SPTA1: variants seen among roughly 807,000 people sequenced by gnomAD.
SPTA1 encodes spectrin alpha chain, erythrocytic 1.
A neutral mutation model predicts 324.7 loss-of-function variants in SPTA1; 177 were observed. That is an observed-to-expected ratio of 0.55 (90% CI 0.48 to 0.62). SPTA1 has a LOEUF of 0.62. SPTA1 is among the 20% of genes least tolerant of loss of function. The pLI, the probability that SPTA1 is intolerant of heterozygous loss-of-function variation, is 0.00. For missense variants in SPTA1, 3,162 were observed against 2,883.6 expected (o/e 1.10, Z -2.21); for synonymous variants, 1,195 against 1,041.3 (o/e 1.15, Z -2.84).
At position 158,669,350 on chromosome 1, in the gene SPTA1, T is replaced by A. The variant is rs1470655459; in HGVS notation, c.1833+58A>T. On this transcript the variant is annotated intron_variant, in intron 14 of 51. Coordinates refer to ENST00000643759, the MANE Select transcript of SPTA1 (RefSeq NM_003126.4). ...TAAAGTTCATTTTACTCCAAGACTG[T>A]ACTTCCAATGAAAGGAACTCCTGAT... 20 of 1,609,002 alleles carry A rather than the reference T, an allele frequency of 1.2e-5. No homozygotes were observed. The East Asian group carries it at 3.6e-4, about 29-fold the overall frequency.
chr1:158,646,809 A>G (rs1652027734), intron 27 of SPTA1, among the ~76,000 whole-genome samples: 1 of 152,134 alleles, frequency 6.6e-6, no homozygotes, highest in South Asian at 2.1e-4. Context: ...GAGAGCTACA[A>G]CTTCCTGGAC....
chr1:158,614,451 T>C (rs1345630794), intron 48 of SPTA1, 145 bp from the exon 49 acceptor site: 3 of 647,160 alleles, frequency 4.6e-6, no homozygotes, highest in Non-Finnish European at 8.1e-6. Flanking sequence ...CTATAGTCCA[T>C]GGGCCAAATC....
chr1:158,650,579 G>A (rs1571451650), intron 24 of SPTA1, among the ~76,000 whole-genome samples: 1 of 152,104 alleles, frequency 6.6e-6, no homozygotes, highest in Non-Finnish European at 1.5e-5. Context: ...TCTTCAGCAC[G>A]TTGATCAGAA....
At chr1:158,627,113 C>A in intron 40 of SPTA1, 106 bp from the exon 41 acceptor site, 1 of 1,422,724 alleles carries the variant, frequency 7.0e-7, no homozygotes, top group African/African-American at 1.4e-5. Flanking sequence ...AAATATATAA[C>A]CAAGTGTGAC....
In SPTA1 at chr1:158,639,856, C is replaced by T. The variant is rs768672485; in HGVS notation, c.4875+14G>A. On this transcript the variant is annotated intron_variant, in intron 34 of 51. Coordinates refer to ENST00000643759, the MANE Select transcript of SPTA1 (RefSeq NM_003126.4). ...TTAAACTCTTGTGTCTCTACTGTTT[C>T]CGGGTGCAATTACCTCTGAGAGCCA... is the stretch of plus-strand genomic sequence containing the variant. 1 of 1,613,600 alleles carries T rather than the reference C, an allele frequency of 6.2e-7. No homozygotes were observed. The highest frequency in any genetic ancestry group is 2.2e-5 in the East Asian group (1 of 44,880).
At chr1:158,681,502 G>A in intron 4 of SPTA1, 25 bp downstream of exon 4, 1 of 1,613,460 alleles carries the variant, frequency 6.2e-7, no homozygotes, top group Non-Finnish European at 8.5e-7. Flanking sequence ...GAGGCCCTGT[G>A]TGATTGCTGT....
chr1:158,635,527 T>C (rs1651002510), intron 38 of SPTA1, among the ~76,000 whole-genome samples: 1 of 152,210 alleles, frequency 6.6e-6, no homozygotes, highest in African/African-American at 2.4e-5. Context: ...TGGTTCAAAT[T>C]GGCTATATGG....
At chr1:158,650,295 C>T (rs1652326771) in intron 24 of SPTA1, among the ~76,000 whole-genome samples, 1 of 152,170 alleles carries the variant, frequency 6.6e-6, no homozygotes, top group South Asian at 2.1e-4. Context: ...ACAAACAATT[C>T]TGTATTCTGA....
In SPTA1 at chr1:158,667,887, T is replaced by G; in HGVS notation, c.2009A>C (p.Glu670Ala). 6.2e-7 allele frequency: 1 copy of G among 1,614,032 alleles called. No individual in the cohort carries two copies. The highest frequency in any genetic ancestry group is 8.5e-7 in the Non-Finnish European group (1 of 1,179,982). ...CTGTTTTGTAGCCTCCAGCAACTCC[T>G]CCCAGAGGCTGGCAACTTCACTCAG... ...TRLSEVASLW[E>A]ELLEATKQKG... The change falls in exon 15 of 52, where the codon GAG becomes GCG. Residue 670 changes from glutamate to alanine, a missense_variant. By Grantham distance (107) the Glu-to-Ala change is moderately radical. Coordinates refer to ENST00000643759, the MANE Select transcript of SPTA1 (RefSeq NM_003126.4).
chr1:158,676,040 TTC>T, intron 8 of SPTA1, 99 bp downstream of exon 8: 1 of 1,519,732 alleles, frequency 6.6e-7, no homozygotes, highest in Non-Finnish European at 9.1e-7. Context: ...GGAGAGCTGA[TTC>T]TCTCGCTATT....
Position 158,645,364 on chromosome 1 carries a change from C to G in SPTA1, c.4018G>C (p.Ala1340Pro), listed in dbSNP as rs756336488. 5.0e-6 allele frequency: 8 copies of G among 1,613,982 alleles called. No homozygotes were observed. The East Asian group carries it at 1.8e-4, about 36-fold the overall frequency. ...AAGGCCTGGAAGGTGGGAGCCTCTG[C>G]CTCCATGTCAGCACGGTGCTCCTGT... ...RHQEHRADME[A>P]EAPTFQALED... Residue 1340 changes from alanine (A) to proline (P), a missense_variant, in exon 29 of 52, where the codon GCA becomes CCA. Transcript: ENST00000643759.
chr1:158,666,889 T>C (rs576230177), intron 15 of SPTA1, among the ~76,000 whole-genome samples: 1 of 152,298 alleles, frequency 6.6e-6, no homozygotes. Flanking sequence ...GTTTGAAATT[T>C]ATAAGTTTCT....
At chr1:158,624,039 C>A (rs1650096729) in intron 42 of SPTA1, among the ~76,000 whole-genome samples, 1 of 152,176 alleles carries the variant, frequency 6.6e-6, no homozygotes, top group Non-Finnish European at 1.5e-5. Context: ...TGGCATTGAG[C>A]CTCCATGTAC....
chr1:158,623,855 G>A (rs1206302141), intron 42 of SPTA1, among the ~76,000 whole-genome samples: 1 of 152,214 alleles, frequency 6.6e-6, no homozygotes, highest in African/African-American at 2.4e-5. Flanking sequence ...AAGTGACTTT[G>A]GAACCGGGTA....
chr1:158,617,313 C>T (rs1271589916), intron 47 of SPTA1, among the ~76,000 whole-genome samples: 1 of 152,154 alleles, frequency 6.6e-6, no homozygotes, highest in Non-Finnish European at 1.5e-5. Flanking sequence ...TCAGGGCAAA[C>T]AGTGACTCTA....
At chr1:158,613,000 G>T in intron 50 of SPTA1, 39 bp from the exon 51 acceptor site, 1 of 1,608,942 alleles carries the variant, frequency 6.2e-7, no homozygotes, top group Non-Finnish European at 8.5e-7. Context: ...CCTTCTCAAG[G>T]CAGAGAAGGA....
rs1488013455 is a variant in SPTA1 at position 158,647,370 on chromosome 1, G to T, written c.3896+169C>A. 2.6e-5 allele frequency among the ~76,000 whole-genome samples: 4 copies of T among 152,096 alleles called. No individual in the cohort carries two copies. In the East Asian group the frequency reaches 7.7e-4, roughly 29 times the overall value. ...ATGGCTTCATATTCTTTCAAACTTTGTATTTTATTGCTTCTAGTTTCAAAC... is the reference window on the plus strand; with the variant it reads ...ATGGCTTCATATTCTTTCAAACTTTTTATTTTATTGCTTCTAGTTTCAAAC... On this transcript the variant is annotated intron_variant, in intron 27 of 51. Transcript: ENST00000643759.
chr1:158,632,028 G>C (rs1423708995), intron 39 of SPTA1, among the ~76,000 whole-genome samples: 1 of 152,076 alleles, frequency 6.6e-6, no homozygotes, highest in Non-Finnish European at 1.5e-5. Context: ...CAATAGCCAA[G>C]ATATGGACAC....
chr1:158,680,041 A>G (rs1654684026), intron 5 of SPTA1, among the ~76,000 whole-genome samples: 1 of 152,162 alleles, frequency 6.6e-6, no homozygotes, highest in Admixed American at 6.6e-5. Flanking sequence ...ATATACTTAC[A>G]TATACATGTA....
Sources: gnomAD v4.1 joint callset for allele counts (sites outside exome capture counted in the v4.1 genomes callset) on GRCh38, gnomAD v4.1.1 for gene constraint, MANE v1.5 for transcripts, NCBI Gene and HGNC (gene_info 2026-07-23, HGNC 2026-07-21) for gene names.